ITPRID1: variants seen among roughly 807,000 people sequenced by gnomAD.
ITPRID1 encodes the protein ITPR interacting domain containing 1.
In ITPRID1, 96 loss-of-function variants were observed where a neutral mutation model predicts 95.4. The ratio of observed to expected loss-of-function variants is 1.01; its 90% CI spans 0.85 to 1.19. The LOEUF (loss-of-function observed/expected upper bound fraction) is 1.19. Ranked by LOEUF, ITPRID1 falls within the 50% of genes most tolerant of loss-of-function variation. The pLI, the probability that ITPRID1 is intolerant of heterozygous loss-of-function variation, is 0.00. For missense variants in ITPRID1, 1,339 were observed against 1,252.9 expected (o/e 1.07, Z -1.04); for synonymous variants, 510 against 453.6 (o/e 1.12, Z -1.58).
intron 12 of ITPRID1, among the ~76,000 whole-genome samples, chr7:31,644,344 TC>T (rs1790285816): frequency 6.6e-6 from 1 of 152,234 alleles, no homozygotes; most frequent in African/African-American, 2.4e-5. Flanking sequence ...AGCCATTTAA[TC>T]TTTTTGTAAA....
chr7:31,556,912 C>G (rs1784466717), intron 5 of ITPRID1, among the ~76,000 whole-genome samples: 1 of 151,988 alleles, frequency 6.6e-6, no homozygotes, highest in African/African-American at 2.4e-5. Context: ...GTCACCAAGA[C>G]TGATCTCCCT....
chr7:31,579,355 T>C (rs915429359), intron 9 of ITPRID1, among the ~76,000 whole-genome samples: 1 of 152,118 alleles, frequency 6.6e-6, no homozygotes, highest in Non-Finnish European at 1.5e-5. Context: ...TATCTAAAAG[T>C]AGGGCAGGAT....
At chr7:31,658,239 G>C (rs1389316824), downstream of ITPRID1, 2 of 1,472,976 alleles carry the variant, frequency 1.4e-6, no homozygotes, top group Non-Finnish European at 1.8e-6. Flanking sequence ...GTTGCATTAG[G>C]TTTTGTTTAT....
At chr7:31,617,038 G>T (rs1041270094) in intron 10 of ITPRID1, among the ~76,000 whole-genome samples, 58 of 152,244 alleles carry the variant, frequency 3.8e-4, no homozygotes, top group African/African-American at 1.3e-3. Context: ...ACTGCTCCTA[G>T]GCACCACAGC....
intron 1 of ITPRID1, among the ~76,000 whole-genome samples, chr7:31,527,949 G>A (rs978241183): frequency 6.6e-6 from 1 of 152,030 alleles, no homozygotes; most frequent in Non-Finnish European, 1.5e-5. Flanking sequence ...CAGTGCTTTG[G>A]TTATGAATCA....
At chr7:31,649,208 A>G (rs1280114850) in intron 12 of ITPRID1, among the ~76,000 whole-genome samples, 1 of 152,210 alleles carries the variant, frequency 6.6e-6, no homozygotes, top group Non-Finnish European at 1.5e-5. Context: ...TAAAAACATT[A>G]CTCTTAGGAA....
At chr7:31,630,242 G>C (rs1178077479) in intron 10 of ITPRID1, among the ~76,000 whole-genome samples, 1 of 25,698 alleles carries the variant, frequency 3.9e-5, no homozygotes, top group Non-Finnish European at 9.6e-5. Context: ...GAGTCTACTT[G>C]GCAAAAAAAA....
intron 1 of ITPRID1, among the ~76,000 whole-genome samples, chr7:31,547,995 C>A (rs1458950368): frequency 2.6e-5 from 4 of 151,796 alleles, no homozygotes; most frequent in Non-Finnish European, 5.9e-5. Flanking sequence ...AAGGTGGTCA[C>A]ATGAAAGACA....
intron 5 of ITPRID1, 135 bp from the exon 6 acceptor site, chr7:31,569,623 T>C (rs1784912533): frequency 4.4e-6 from 3 of 674,686 alleles, no homozygotes; most frequent in Non-Finnish European, 5.2e-6. Context: ...TTCACTGCAG[T>C]GATGCCTTGT....
At chr7:31,578,511 T>A in intron 9 of ITPRID1, 77 bp downstream of exon 9, 1 of 1,024,560 alleles carries the variant, frequency 9.8e-7, no homozygotes, top group Non-Finnish European at 1.4e-6. Flanking sequence ...CAGCCCTCAT[T>A]TCACCACTTC....
At chr7:31,658,437 A>C, downstream of ITPRID1, 5 of 1,419,514 alleles carry the variant, frequency 3.5e-6, no homozygotes, top group Non-Finnish European at 4.6e-6. Context: ...AGAGTATAAC[A>C]CATGTCGAAC....
Position 31,651,195 on chromosome 7 carries a change from G to A in ITPRID1, c.2637G>A (p.Glu879=), listed in dbSNP as rs750765661. 1.2e-6 allele frequency: 2 copies of A among 1,613,658 alleles called. No homozygotes were observed. The highest frequency in any genetic ancestry group is 2.2e-5 in the South Asian group (2 of 91,056). ...AMKTICQSFR[E]YLEEIEQHLM... ...AGACGATATGCCAAAGTTTCCGGGAGTATTTAGAAGAAATTGAACAGCACC... is the reference window on the plus strand; with the variant it reads ...AGACGATATGCCAAAGTTTCCGGGAATATTTAGAAGAAATTGAACAGCACC... The change falls in exon 13 of 15, where the codon GAG becomes GAA. Residue 879 remains glutamate (E), a synonymous_variant. Transcript: ENST00000615280.
intron 10 of ITPRID1, among the ~76,000 whole-genome samples, chr7:31,627,848 T>C (rs1378205771): frequency 2.6e-5 from 4 of 152,132 alleles, no homozygotes; most frequent in South Asian, 2.1e-4. Context: ...AATGAAAAGA[T>C]ACAATTTTAA....
intron 6 of ITPRID1, 52 bp from the exon 7 acceptor site, chr7:31,572,050 A>G: frequency 1.7e-6 from 2 of 1,192,012 alleles, no homozygotes; most frequent in South Asian, 2.6e-5. Flanking sequence ...ATGACCTCCC[A>G]GGAGACTATC....
chr7:31,553,116 G>A lies in ITPRID1; in HGVS notation c.92G>A (p.Trp31Ter). ...REILKCTKSAWAPLDEWLPPD... is the reference protein window; with the variant it reads ...REILKCTKSA ...ATCCTGAAGTGCACCAAAAGCGCGTGGGCTCCGCTGGATGAGTGGCTGCCC... is the reference window on the plus strand; with the variant it reads ...ATCCTGAAGTGCACCAAAAGCGCGTAGGCTCCGCTGGATGAGTGGCTGCCC... The change falls in exon 3 of 15, where the codon TGG becomes TAG. Residue 31 changes from tryptophan (W) to a stop codon, truncating the protein, a stop_gained. Transcript: ENST00000615280. LOFTEE classifies it high-confidence loss of function. 1.9e-6 allele frequency: 3 copies of A among 1,600,632 alleles called. No individual in the cohort carries two copies. Among genetic ancestry groups the A allele is most frequent in the Non-Finnish European group, 2.6e-6 (3 of 1,173,162 alleles).
rs117448572 is a variant in ITPRID1 at position 31,529,428 on chromosome 7, C to T, written c.-98+15308C>T. The T allele has an allele frequency of 8.9e-4, 229 of 256,022 alleles. 1 individual carries two copies. In the East Asian group the frequency reaches 0.014, roughly 16 times the overall value. 15.9% of individuals were successfully genotyped at this position (256,022 alleles called of 1,614,324 possible). A position where few individuals can be genotyped will look rare whatever the true frequency, so the allele number is the denominator to read the frequency against. On this transcript the variant is annotated intron_variant, in intron 1 of 14. Coordinates refer to ENST00000615280, the MANE Select transcript of ITPRID1 (RefSeq NM_001257967.3). ...ATTAAAGGAACAGCAAGAGGTTTCACAGAAATAAAACCACAACGGAAACCA... is the reference window on the plus strand; with the variant it reads ...ATTAAAGGAACAGCAAGAGGTTTCATAGAAATAAAACCACAACGGAAACCA...
At chr7:31,544,165 T>C (rs1394977775) in intron 1 of ITPRID1, among the ~76,000 whole-genome samples, 1 of 152,120 alleles carries the variant, frequency 6.6e-6, no homozygotes, top group Non-Finnish European at 1.5e-5. Flanking sequence ...TTCTTTATCT[T>C]AGTGGGACAG....
intron 10 of ITPRID1, among the ~76,000 whole-genome samples, chr7:31,607,667 C>T (rs1786683245): frequency 6.6e-6 from 1 of 151,796 alleles, no homozygotes; most frequent in Non-Finnish European, 1.5e-5. Flanking sequence ...TCTCAGGGTC[C>T]ATTTCAATCA....
chr7:31,599,690 C>CTCTCTCTCTCTCTCTCTCTCTCTT (rs1180791810), intron 10 of ITPRID1, among the ~76,000 whole-genome samples: 5 of 106,646 alleles, frequency 4.7e-5, no homozygotes, highest in African/African-American at 1.8e-4. Context: ...CTCTCTCTCT[C>CTCTCTCTCTCTCTCTCTCTCTCTT]TCTTTCTTTC....
Sources: gnomAD v4.1 joint callset for allele counts (sites outside exome capture counted in the v4.1 genomes callset) on GRCh38, gnomAD v4.1.1 for gene constraint, MANE v1.5 for transcripts, NCBI Gene and HGNC (gene_info 2026-07-23, HGNC 2026-07-21) for gene names.